DVL1: variants seen among roughly 807,000 people sequenced by gnomAD.
DVL1 encodes dishevelled segment polarity protein 1.
In DVL1, 49 loss-of-function variants were observed where a neutral mutation model predicts 65.0. The ratio of observed to expected loss-of-function variants is 0.75; its 90% confidence interval spans 0.60 to 0.96. The LOEUF (loss-of-function observed/expected upper bound fraction) is 0.96, where lower values mean the gene tolerates loss of function less well. Ranked by LOEUF, DVL1 falls within the 40% of genes least tolerant of loss-of-function variation. The probability of loss-of-function intolerance (pLI) is 0.00; values close to 1 mark genes in which losing one functional copy is unlikely to be tolerated. For missense variants in DVL1, 1,197 were observed against 1,045.4 expected, an observed-to-expected ratio of 1.15 and a Z score of -2.00; for synonymous variants, 608 against 433.9, an observed-to-expected ratio of 1.40 and a Z score of -4.99.
chr1:1,345,730 A>T (rs894899505), intron 1 of DVL1, among the ~76,000 whole-genome samples: 6 of 152,166 alleles, frequency 3.9e-5, no homozygotes, highest in African/African-American at 1.4e-4. Flanking sequence ...CAGCTGCCCT[A>T]GACGTGGCGT....
intron 1 of DVL1, among the ~76,000 whole-genome samples, chr1:1,346,976 A>G (rs1055875919): frequency 6.6e-6 from 1 of 152,196 alleles, no homozygotes; most frequent in Admixed American, 6.5e-5. Context: ...CAGAACAGAC[A>G]GTGCTGAGAG....
At chr1:1,348,824 C>G in intron 1 of DVL1, 72 bp downstream of exon 1, 1 of 1,354,152 alleles carries the variant, frequency 7.4e-7, no homozygotes, top group Non-Finnish European at 9.6e-7. Flanking sequence ...AGGACCCCCG[C>G]CCCGTCCCCG....
At position 1,340,257 on chromosome 1, in the gene DVL1, C is replaced by A. The variant is rs1140338; in HGVS notation, c.759G>T (p.Thr253=). The A allele has an allele frequency of 6.2e-7, 1 of 1,614,002 alleles. No homozygotes were observed. The highest frequency in any genetic ancestry group is 8.5e-7 in the Non-Finnish European group (1 of 1,180,008). ...STMSLNIVTV[T]LNMERHHFLG... ...GCCCCGAGGCCTCACCCATGTTGAGCGTGACAGTGACGATGTTGAGGGACA... is the reference window on the plus strand; with the variant it reads ...GCCCCGAGGCCTCACCCATGTTGAGAGTGACAGTGACGATGTTGAGGGACA... The change falls in exon 7 of 15, where the codon ACG becomes ACT. Residue 253 remains threonine, a synonymous_variant. Transcript: ENST00000378888.
At chr1:1,336,985 T>C in intron 14 of DVL1, 2 of 991,348 alleles carry the variant, frequency 2.0e-6, no homozygotes, top group Non-Finnish European at 2.4e-6. Flanking sequence ...GCTGGGGACA[T>C]GCTGAGGGAC....
rs1303608229 is a variant in DVL1 at position 1,342,026 on chromosome 1, A to T, written c.466+27T>A. On this transcript the variant is annotated intron_variant, in intron 4 of 14. Coordinates refer to ENST00000378888, the MANE Select transcript of DVL1 (RefSeq NM_001330311.2). ...GGGGTCCCAGGGAGGCTGGGGGTCC[A>T]CAGCTGGGCAGACATGACCACTGTA... 23 of 1,534,848 alleles carry T rather than the reference A, an allele frequency of 1.5e-5. 1 individual carries two copies. The highest frequency in any genetic ancestry group is 1.9e-5 in the Non-Finnish European group (21 of 1,132,300).
intron 12 of DVL1, 32 bp downstream of exon 12, chr1:1,338,490 G>A (rs183970155): frequency 1.4e-4 from 225 of 1,611,364 alleles, no homozygotes; most frequent in Non-Finnish European, 1.9e-4. Flanking sequence ...CCCTGCCCCT[G>A]GCACTATCCG....
chr1:1,337,138 G>A, intron 14 of DVL1: 1 of 982,864 alleles, frequency 1.0e-6, no homozygotes, highest in Admixed American at 5.9e-5. Context: ...GCCACCAGTG[G>A]GGACTGACCG....
At chr1:1,339,705 C>T (rs75926703) in intron 9 of DVL1, 31 bp downstream of exon 9, 28 of 1,612,692 alleles carry the variant, frequency 1.7e-5, no homozygotes, top group Admixed American at 8.3e-5. Context: ...CCCTGCCTGG[C>T]CCCTCCCGCT....
chr1:1,346,323 G>C (rs898314829), intron 1 of DVL1, among the ~76,000 whole-genome samples: 2 of 152,158 alleles, frequency 1.3e-5, no homozygotes, highest in African/African-American at 4.8e-5. Context: ...CCCCCACCTC[G>C]GAGATGAACT....
rs750000072 is a variant in DVL1 at position 1,336,529 on chromosome 1, C to A, written c.1715-14G>T. 2.0e-6 allele frequency: 3 copies of A among 1,499,790 alleles called. No homozygotes were observed. The highest frequency in any genetic ancestry group is 1.3e-5 in the South Asian group (1 of 75,580). 92.9% of individuals were successfully genotyped at this position (1,499,790 alleles called of 1,614,324 possible). A position where few individuals can be genotyped will look rare whatever the true frequency, so the allele number is the denominator to read the frequency against. On this transcript the variant is annotated splice_polypyrimidine_tract_variant and intron_variant, in intron 14 of 14. Transcript: ENST00000378888. ...TGCTTTTGCTCCCTGGGAGTGAGAA[C>A]AGGATGGGGAAGGAGCCTGTCAGCA...
At chr1:1,339,543 C>T (rs538781405) in intron 10 of DVL1, 39 bp downstream of exon 10, 5 of 1,574,506 alleles carry the variant, frequency 3.2e-6, no homozygotes, top group Admixed American at 1.8e-5. Context: ...GTAGGCGCCC[C>T]CTCCCCATCC....
intron 14 of DVL1, 147 bp from the exon 15 acceptor site, chr1:1,336,662 G>A (rs1010011918): frequency 3.6e-6 from 4 of 1,120,496 alleles, no homozygotes; most frequent in African/African-American, 1.7e-5. Context: ...CGAGGACAGG[G>A]CCGGCACCCC....
chr1:1,347,901 T>A (rs781067457), intron 1 of DVL1, among the ~76,000 whole-genome samples: 2 of 152,164 alleles, frequency 1.3e-5, no homozygotes, highest in Non-Finnish European at 2.9e-5. Flanking sequence ...AGATGTCCCT[T>A]GGGCCCCCCT....
rs1260546435 is a variant in DVL1, at chr1:1,335,374, G to C, written c.*768C>G. 6.6e-6 allele frequency: 1 copy of C among 152,354 alleles called. No homozygotes were observed. Among genetic ancestry groups the C allele is most frequent in the Non-Finnish European group, 1.5e-5 (1 of 68,128 alleles). 9.4% of individuals were successfully genotyped at this position (152,354 alleles called of 1,614,324 possible). ...ATCTAAACGCTGGGACTTTGATACA[G>C]TATCTACAGCACAGACACGTGGGGG... is the stretch of plus-strand genomic sequence containing the variant. On this transcript the variant is annotated 3_prime_UTR_variant, in exon 15 of 15. Coordinates refer to ENST00000378888, the MANE Select transcript of DVL1 (RefSeq NM_001330311.2).
chr1:1,345,023 C>T (rs1643896431), intron 1 of DVL1, among the ~76,000 whole-genome samples: 1 of 150,906 alleles, frequency 6.6e-6, no homozygotes, highest in Admixed American at 6.6e-5. Flanking sequence ...CCACCCAGCA[C>T]CCTCTGACTC....
intron 1 of DVL1, among the ~76,000 whole-genome samples, chr1:1,348,614 T>C (rs2100779625): frequency 6.6e-6 from 1 of 152,130 alleles, no homozygotes; most frequent in South Asian, 2.1e-4. Flanking sequence ...GTGGAAGCGA[T>C]GCGGCCGACC....
At chr1:1,344,296 T>C (rs1193604142) in intron 1 of DVL1, among the ~76,000 whole-genome samples, 6 of 152,188 alleles carry the variant, frequency 3.9e-5, no homozygotes, top group Non-Finnish European at 2.9e-5. Context: ...GAAGCGGCCT[T>C]GTGGCTGCTA....
At position 1,340,335 on chromosome 1, in the gene DVL1, G is replaced by A. The variant is rs1553174172; in HGVS notation, c.700-19C>T. 1.2e-5 allele frequency: 19 copies of A among 1,613,802 alleles called. No homozygotes were observed. Among genetic ancestry groups the A allele is most frequent in the Non-Finnish European group, 1.5e-5 (18 of 1,179,942 alleles). ...AGGAGGCCTATGGAGGAGAGGGGGC[G>A]TGTGTAAAAGGCACGGGGCTGCCCG... On this transcript the variant is annotated intron_variant, in intron 6 of 14. Coordinates refer to ENST00000378888, the MANE Select transcript of DVL1 (RefSeq NM_001330311.2).
rs61735963 is a variant in DVL1 at position 1,341,803 on chromosome 1, C to T, written c.469G>A (p.Ala157Thr). ...CCCCTTGGGTGCCCATTGGTCCGGG[C>T]GGCTGTGGGGGCAGCAGGTTGGGAA... ...RARRRNREEA[A>T]RTNGHPRGDR... is the part of the protein sequence containing the mutation. The change falls in exon 5 of 15, where the codon GCC (alanine) becomes ACC (threonine). Residue 157 changes from alanine to threonine, a missense_variant and splice_region_variant. Transcript: ENST00000378888. 0.012 allele frequency: 18,614 copies of T among 1,578,862 alleles called. 1,879 individuals carry two copies. The African/African-American group carries it at 0.22, about 19-fold the overall frequency.
Sources: allele counts gnomAD v4.1 joint callset (sites outside exome capture counted in the v4.1 genomes callset), GRCh38; gene constraint gnomAD v4.1.1; transcripts MANE v1.5; gene names NCBI Gene and HGNC (gene_info 2026-07-23, HGNC 2026-07-21).